IGF2BP3: variants seen among roughly 807,000 people sequenced by gnomAD.
IGF2BP3 encodes insulin-like growth factor 2 mRNA-binding protein 3.
In IGF2BP3, 9 loss-of-function variants were observed where a neutral mutation model predicts 73.8. The observed-to-expected ratio is 0.12, with a 90% CI of 0.07 to 0.21. The LOEUF (loss-of-function observed/expected upper bound fraction) is 0.21, where lower values mean the gene tolerates loss of function less well. Among genes scored for constraint, IGF2BP3 ranks in the 10% least tolerant of loss-of-function variants. The pLI is 1.00. For missense variants in IGF2BP3, 542 were observed against 714.0 expected, an observed-to-expected ratio of 0.76 and a Z score of 2.75; for synonymous variants, 258 against 256.7, an observed-to-expected ratio of 1.01 and a Z score of -0.05.
chr7:23,341,953 T>A (rs2128501288), intron 10 of IGF2BP3, 111 bp downstream of exon 10: 1 of 1,220,732 alleles, frequency 8.2e-7, no homozygotes, highest in African/African-American at 1.6e-5. Context: ...AAGGCTCCAT[T>A]AGCAAGAACT....
chr7:23,424,210 A>G, intron 2 of IGF2BP3, among the ~76,000 whole-genome samples: 1 of 151,948 alleles, frequency 6.6e-6, no homozygotes, highest in Non-Finnish European at 1.5e-5. Context: ...TAGATTAAAA[A>G]TTTAAAGGCC....
chr7:23,339,215 C>G (rs1321921175), intron 10 of IGF2BP3, among the ~76,000 whole-genome samples: 1 of 152,194 alleles, frequency 6.6e-6, no homozygotes, highest in African/African-American at 2.4e-5. Flanking sequence ...GTGACATCTT[C>G]CTTACATTTA....
intron 2 of IGF2BP3, among the ~76,000 whole-genome samples, chr7:23,435,745 T>C (rs13247744): frequency 0.39 from 56,962 of 147,180 alleles, 11,378 homozygotes; most frequent in African/African-American, 0.51. Flanking sequence ...CGTGAGCCAC[T>C]GTGCCTGGCC....
At chr7:23,434,642 T>C (rs1454157481) in intron 2 of IGF2BP3, among the ~76,000 whole-genome samples, 1 of 152,216 alleles carries the variant, frequency 6.6e-6, no homozygotes, top group African/African-American at 2.4e-5. Context: ...ACTCAACTCT[T>C]TCTTTTCTCC....
intron 2 of IGF2BP3, among the ~76,000 whole-genome samples, chr7:23,425,283 G>A (rs1023872999): frequency 1.3e-5 from 2 of 152,196 alleles, no homozygotes; most frequent in Non-Finnish European, 2.9e-5. Context: ...GTGGTCCAAA[G>A]TCATAAAATA....
At chr7:23,419,983 A>G (rs1401719377) in intron 2 of IGF2BP3, among the ~76,000 whole-genome samples, 2 of 152,340 alleles carry the variant, frequency 1.3e-5, no homozygotes, top group East Asian at 1.9e-4. Flanking sequence ...ACACATGTAT[A>G]TATGTATGTA....
intron 3 of IGF2BP3, among the ~76,000 whole-genome samples, chr7:23,374,739 C>A (rs375775203): frequency 6.6e-6 from 1 of 151,972 alleles, no homozygotes; most frequent in Non-Finnish European, 1.5e-5. Flanking sequence ...GATTTGATAT[C>A]GGGGGAAATT....
At chr7:23,434,244 AAC>A (rs1787756474) in intron 2 of IGF2BP3, among the ~76,000 whole-genome samples, 1 of 152,180 alleles carries the variant, frequency 6.6e-6, no homozygotes, top group South Asian at 2.1e-4. Context: ...TGTCTACATT[AAC>A]AGTTTTTATT....
At chr7:23,361,794 C>G in intron 3 of IGF2BP3, 53 bp from the exon 4 acceptor site, 1 of 1,480,276 alleles carries the variant, frequency 6.8e-7, no homozygotes, top group African/African-American at 1.4e-5. Flanking sequence ...AAGTTATTAT[C>G]AAGGGCAGGA....
chr7:23,448,680 G>A (rs1277807681), intron 2 of IGF2BP3, among the ~76,000 whole-genome samples: 3 of 152,052 alleles, frequency 2.0e-5, no homozygotes, highest in Non-Finnish European at 4.4e-5. Context: ...ACCCAGGCTG[G>A]AGTGCAGTAA....
At chr7:23,335,173 C>T (rs1413972193) in intron 10 of IGF2BP3, among the ~76,000 whole-genome samples, 1 of 148,914 alleles carries the variant, frequency 6.7e-6, no homozygotes, top group African/African-American at 2.5e-5. Flanking sequence ...GAGTTACTTA[C>T]TTAGAAATTG....
intron 10 of IGF2BP3, among the ~76,000 whole-genome samples, chr7:23,322,337 T>C (rs1784179465): frequency 6.6e-6 from 1 of 151,880 alleles, no homozygotes; most frequent in Non-Finnish European, 1.5e-5. Flanking sequence ...GAAGATGAAG[T>C]GAATGAAATG....
At chr7:23,343,682 TTAAAA>T (rs1386846333) in intron 9 of IGF2BP3, 31 bp downstream of exon 9, 2 of 1,567,442 alleles carry the variant, frequency 1.3e-6, no homozygotes, top group East Asian at 4.5e-5. Context: ...TAACTATTTG[TTAAAA>T]TAAAGACATG....
intron 3 of IGF2BP3, chr7:23,415,448 C>G (rs1477090496): frequency 5.1e-6 from 1 of 195,418 alleles, no homozygotes; most frequent in Non-Finnish European, 1.1e-5. Flanking sequence ...ACCGCATCCG[C>G]AGGTCCCCCT....
At chr7:23,369,966 T>C (rs139558296) in intron 3 of IGF2BP3, among the ~76,000 whole-genome samples, 4 of 152,222 alleles carry the variant, frequency 2.6e-5, no homozygotes, top group African/African-American at 9.6e-5. Flanking sequence ...TGCTTGCCTG[T>C]AGCCTAACAC....
chr7:23,418,869 G>A (rs563955636), intron 2 of IGF2BP3, 45 bp from the exon 3 acceptor site: 4 of 1,306,136 alleles, frequency 3.1e-6, no homozygotes, highest in Non-Finnish European at 3.2e-6. Context: ...AAACATAAAA[G>A]CAAAACAATA....
At position 23,417,059 on chromosome 7, in the gene IGF2BP3, AAAACAAAC is replaced by A. The variant is rs757029053; in HGVS notation, c.285+1709_285+1716del. Among the ~76,000 whole-genome samples the A allele has an allele frequency of 2.4e-4, 36 of 152,328 alleles. 1 individual carries two copies. The highest frequency in any genetic ancestry group is 2.0e-3 in the Admixed American group (30 of 15,300). ...CAATGAGAGCGAAACTCCATCTCAA[AAAACAAAC>A]AAACAAACAAACAAAAACATACAAA... On this transcript the variant is annotated intron_variant, in intron 3 of 14. Coordinates refer to ENST00000258729, the MANE Select transcript of IGF2BP3 (RefSeq NM_006547.3).
intron 3 of IGF2BP3, among the ~76,000 whole-genome samples, chr7:23,362,910 C>T (rs1183958704): frequency 6.6e-6 from 1 of 152,026 alleles, no homozygotes; most frequent in Admixed American, 6.6e-5. Context: ...CACGCCGCCA[C>T]CCTCAGCTAA....
intron 3 of IGF2BP3, among the ~76,000 whole-genome samples, chr7:23,405,657 C>G (rs1786805087): frequency 1.3e-5 from 2 of 152,182 alleles, no homozygotes; most frequent in Admixed American, 1.3e-4. Context: ...CTATTGTGAA[C>G]TGCGCACGCG....
Sources: gnomAD v4.1 joint callset for allele counts (sites outside exome capture counted in the v4.1 genomes callset) on GRCh38, gnomAD v4.1.1 for gene constraint, MANE v1.5 for transcripts, NCBI Gene and HGNC (gene_info 2026-07-23, HGNC 2026-07-21) for gene names.